The following NBPF9 variants were observed in gnomAD, a reference collection of about 807,000 sequenced individuals.
NBPF9 encodes the protein NBPF member 9, also known as NBPF family member NBPF9.
A neutral mutation model predicts 97.8 loss-of-function variants in NBPF9; 91 were observed. The observed-to-expected ratio is 0.93, with a 90% CI of 0.79 to 1.11. The LOEUF (loss-of-function observed/expected upper bound fraction) is 1.11. NBPF9 is among the 50% of genes least tolerant of loss of function. The pLI is 0.00. For missense variants in NBPF9, 992 were observed against 939.5 expected (o/e 1.06, Z -0.73); for synonymous variants, 334 against 359.5 (o/e 0.93, Z 0.80).
rs1383836445 is a variant in NBPF9 at position 149,060,104 on chromosome 1, C to G, written c.2477-296G>C. On this transcript the variant is annotated intron_variant, in intron 24 of 29. Coordinates refer to ENST00000584027, the Ensembl canonical transcript of NBPF9. The stretch of plus-strand genomic sequence containing the variant: ...TTCCAATCAATTTAAAGCAAATACC[C>G]TCAAATGATTTCTAGGAGAAAAACT... 1.5e-4 allele frequency: 39 copies of G among 258,984 alleles called. 4 individuals are homozygous for G. Among genetic ancestry groups the G allele is most frequent in the Middle Eastern group, 1.5e-3 (1 of 688 alleles). The allele number at this position is 258,984 out of a possible 1,614,324, so 16.0% of individuals were successfully genotyped here.
At chr1:149,055,071 C>A (rs2078118278) in exon 30 of NBPF9, 2 of 163,118 alleles carry the variant, frequency 1.2e-5, no homozygotes, top group South Asian at 3.1e-4. Context: ...TAGCTGTGGT[C>A]TTCCTAAGTA....
At chr1:149,075,603 G>C in intron 12 of NBPF9, 52 bp downstream of exon 12, 1 of 1,512,394 alleles carries the variant, frequency 6.6e-7, no homozygotes. Context: ...TCCTCAGAGA[G>C]AAGACAGGAC....
exon 4 of NBPF9, chr1:149,098,569 C>A (rs71239346): frequency 2.1e-6 from 3 of 1,446,038 alleles, no homozygotes; most frequent in South Asian, 1.5e-5. Flanking sequence ...ATTGGTGGCA[C>A]CCCCAGCATG....
At chr1:149,055,428 C>A (rs1553648499) in exon 30 of NBPF9, 2 of 719,074 alleles carry the variant, frequency 2.8e-6, no homozygotes, top group Non-Finnish European at 4.5e-6. Flanking sequence ...CTGATCACTC[C>A]CGGCATGTGC....
intron 5 of NBPF9, chr1:149,090,544 G>A (rs2081348960): frequency 4.1e-6 from 2 of 491,146 alleles, no homozygotes; most frequent in South Asian, 2.5e-5. Flanking sequence ...TTAAATTTAA[G>A]CCTAATGCAA....
chr1:149,069,732 A>G lies in NBPF9; in HGVS notation c.1586-87T>C, dbSNP rs587722636. On this transcript the variant is annotated intron_variant, in intron 16 of 29. Transcript: ENST00000584027. ...TCACTGTCCAGTCATAGCCAAGGAC[A>G]TAACTATTCTCAGTGCAAGAATAAG... 7.3e-4 allele frequency: 651 copies of G among 887,918 alleles called. 5 individuals carry two copies. In the South Asian group the frequency reaches 8.0e-3, roughly 11 times the overall value. The allele number at this position is 887,918 out of a possible 1,614,324, so 55.0% of individuals were successfully genotyped here.
chr1:149,072,389 A>G (rs1474375078), intron 14 of NBPF9, among the ~76,000 whole-genome samples: 1 of 152,116 alleles, frequency 6.6e-6, no homozygotes, highest in Non-Finnish European at 1.5e-5. Context: ...ACAGCCTGGG[A>G]ACCTTCATTC....
At chr1:149,074,448 T>C (rs1257849164) in intron 12 of NBPF9, among the ~76,000 whole-genome samples, 6 of 151,712 alleles carry the variant, frequency 4.0e-5, no homozygotes, top group Admixed American at 6.6e-5. Context: ...ATAAAGTTTG[T>C]GTTAATTTAG....
At chr1:149,068,258 T>C (rs1361534744) in intron 17 of NBPF9, among the ~76,000 whole-genome samples, 1 of 149,520 alleles carries the variant, frequency 6.7e-6, no homozygotes, top group African/African-American at 2.5e-5. Flanking sequence ...AACGACAGGA[T>C]CAAATTCACA....
At chr1:149,070,592 C>A (rs2079326250) in intron 16 of NBPF9, among the ~76,000 whole-genome samples, 1 of 150,884 alleles carries the variant, frequency 6.6e-6, no homozygotes, top group Non-Finnish European at 1.5e-5. Context: ...CTTAAACAGG[C>A]ATAGAAACTC....
At chr1:149,065,333 G>C (rs1419704655) in intron 18 of NBPF9, 193 bp downstream of exon 18, 2 of 766,476 alleles carry the variant, frequency 2.6e-6, no homozygotes, top group Non-Finnish European at 2.3e-6. Flanking sequence ...TAGGAAGAGA[G>C]CAAAGCTCAC....
At chr1:149,097,442 A>C (rs1208160846) in intron 4 of NBPF9, among the ~76,000 whole-genome samples, 4 of 152,162 alleles carry the variant, frequency 2.6e-5, no homozygotes, top group African/African-American at 9.7e-5. Flanking sequence ...GCCCCAAAGA[A>C]AGAGATGAGA....
rs1157992196 is a variant in NBPF9 at position 149,082,957 on chromosome 1, C to CTTTTTTTTTTTTTTTT, written c.-194-543_-194-528dup. Among the ~76,000 whole-genome samples the CTTTTTTTTTTTTTTTT allele has an allele frequency of 4.8e-3, 322 of 66,446 alleles. 5 individuals are homozygous for CTTTTTTTTTTTTTTTT. Among genetic ancestry groups the CTTTTTTTTTTTTTTTT allele is most frequent in the Middle Eastern group, 0.015 (1 of 66 alleles). 43.6% of individuals were successfully genotyped at this position (66,446 alleles called of 152,430 possible). The stretch of plus-strand genomic sequence containing the variant: ...ACCACGCCTGGCTAATTTTTCTTTT[C>CTTTTTTTTTTTTTTTT]TTTTTTTTTTTTTTTTTTTTTTTTT... On this transcript the variant is annotated intron_variant, in intron 5 of 29. Coordinates refer to ENST00000584027, the Ensembl canonical transcript of NBPF9.
At chr1:149,097,304 G>C (rs1289658631) in intron 4 of NBPF9, among the ~76,000 whole-genome samples, 1 of 152,200 alleles carries the variant, frequency 6.6e-6, no homozygotes, top group Non-Finnish European at 1.5e-5. Context: ...ATTGGAGAGA[G>C]ACGCACTACT....
chr1:149,071,898 G>T (rs1553653009), intron 14 of NBPF9, among the ~76,000 whole-genome samples: 2 of 151,806 alleles, frequency 1.3e-5, no homozygotes, highest in African/African-American at 4.8e-5. Flanking sequence ...GCCAAATATT[G>T]AAAAGACCTT....
intron 2 of NBPF9, among the ~76,000 whole-genome samples, chr1:149,101,728 G>A (rs1319132547): frequency 2.0e-5 from 3 of 151,980 alleles, no homozygotes; most frequent in Non-Finnish European, 2.9e-5. Context: ...CATCAGCAAG[G>A]ATGTGGGGTA....
At chr1:149,055,671 G>C in exon 30 of NBPF9, 2 of 1,611,878 alleles carry the variant, frequency 1.2e-6, no homozygotes, top group Non-Finnish European at 1.7e-6. Context: ...GTGGGAATAT[G>C]ACTTCCATCT....
chr1:149,101,500 A>T lies in NBPF9; in HGVS notation c.-723-121T>A, dbSNP rs587775356. 221 of 152,384 alleles carry T rather than the reference A, an allele frequency of 1.5e-3. 1 individual carries two copies. In the South Asian group the frequency reaches 0.026, roughly 18 times the overall value. 9.4% of individuals were successfully genotyped at this position (152,384 alleles called of 1,614,324 possible). A position where few individuals can be genotyped will look rare whatever the true frequency, so the allele number is the denominator to read the frequency against. On this transcript the variant is annotated intron_variant, in intron 2 of 29. Transcript: ENST00000584027. ...GAAATGCAATACATATATATCGTAGAAAGGACACATATCCGGAAAAAAGTA... is the reference window on the plus strand; with the variant it reads ...GAAATGCAATACATATATATCGTAGTAAGGACACATATCCGGAAAAAAGTA...
At chr1:149,071,522 C>T (rs587640346) in intron 15 of NBPF9, 82 bp downstream of exon 15, 9 of 1,058,266 alleles carry the variant, frequency 8.5e-6, no homozygotes, top group South Asian at 7.8e-5. Context: ...TTTGGCCCAT[C>T]ATAGATGCCA....
Sources: gnomAD v4.1 joint callset for allele counts (sites outside exome capture counted in the v4.1 genomes callset) on GRCh38, gnomAD v4.1.1 for gene constraint, MANE v1.5 for transcripts, NCBI Gene and HGNC (gene_info 2026-07-23, HGNC 2026-07-21) for gene names.